CACNA2D2: variants seen among roughly 807,000 people sequenced by gnomAD.
The protein encoded by CACNA2D2 is calcium voltage-gated channel auxiliary subunit alpha2delta 2.
Under a neutral mutation model 166.4 loss-of-function variants are expected in CACNA2D2, and 48 were observed. The ratio of observed to expected loss-of-function variants is 0.29; its 90% CI spans 0.23 to 0.37. The LOEUF is 0.37. CACNA2D2 is among the 10% of genes least tolerant of loss of function. CACNA2D2 has a pLI of 1.00. For synonymous variants in CACNA2D2, 561 were observed against 573.7 expected (o/e 0.98, Z 0.32); for missense variants, 1,122 against 1,433.0 (o/e 0.78, Z 3.50).
chr3:50,442,265 C>T (rs979351257), intron 2 of CACNA2D2, among the ~76,000 whole-genome samples: 2 of 152,172 alleles, frequency 1.3e-5, no homozygotes, highest in African/African-American at 2.4e-5. Flanking sequence ...CCAGTGTCCC[C>T]GCCTGCCTAT....
rs1487148785 is a variant in CACNA2D2 at position 50,481,211 on chromosome 3, G to A, written c.207-5012C>T. On this transcript the variant is annotated intron_variant, in intron 1 of 37. Coordinates refer to ENST00000424201, the MANE Select transcript of CACNA2D2 (RefSeq NM_006030.4). ...TGGACCCAGCAGAGGGGCGAGAAAG[G>A]ATGGGGGAGGGGCTCTGTTCAAGAG... 2.0e-5 allele frequency among the ~76,000 whole-genome samples: 3 copies of A among 152,058 alleles called. No homozygotes were observed. The East Asian group carries it at 5.8e-4, about 29-fold the overall frequency.
chr3:50,395,909 G>A (rs1706126503), intron 3 of CACNA2D2, among the ~76,000 whole-genome samples: 2 of 152,228 alleles, frequency 1.3e-5, no homozygotes, highest in Admixed American at 1.3e-4. Context: ...AGTGTCTCTT[G>A]GGGTCAAACC....
intron 3 of CACNA2D2, among the ~76,000 whole-genome samples, chr3:50,426,679 C>A (rs528884055): frequency 1.3e-5 from 2 of 152,124 alleles, no homozygotes; most frequent in Non-Finnish European, 2.9e-5. Flanking sequence ...ATGATCACAG[C>A]GCTTCTGACC....
intron 6 of CACNA2D2, among the ~76,000 whole-genome samples, chr3:50,382,143 T>A (rs1356363886): frequency 6.6e-6 from 1 of 152,096 alleles, no homozygotes; most frequent in African/African-American, 2.4e-5. Flanking sequence ...TGTGTGTGTG[T>A]GACACATGTT....
chr3:50,406,250 C>T (rs977029774), intron 3 of CACNA2D2, among the ~76,000 whole-genome samples: 2 of 151,842 alleles, frequency 1.3e-5, no homozygotes, highest in Non-Finnish European at 2.9e-5. Flanking sequence ...CCCCACTGGC[C>T]GCAGGCTGGC....
chr3:50,410,191 G>A (rs1706930534), intron 3 of CACNA2D2, among the ~76,000 whole-genome samples: 1 of 152,192 alleles, frequency 6.6e-6, no homozygotes, highest in South Asian at 2.1e-4. Flanking sequence ...GCTTGGCCCT[G>A]CCTAGATCAA....
rs996348872 is a variant in CACNA2D2 at position 50,377,753 on chromosome 3, C to T, written c.1530G>A (p.Gln510=). The change falls in exon 16 of 38, where the codon CAG becomes CAA. Residue 510 remains glutamine, a synonymous_variant. Coordinates refer to ENST00000424201, the MANE Select transcript of CACNA2D2 (RefSeq NM_006030.4). ...TCACCTTCTTTTCCCCAGGGCCATC[C>T]TGTGTCAGGTTGAAAACAGGGAGGG... ...TGTLPVFNLT[Q]DGPGEKKNQL... 6.8e-6 allele frequency: 11 copies of T among 1,613,226 alleles called. No homozygotes were observed. The highest frequency in any genetic ancestry group is 9.3e-6 in the Non-Finnish European group (11 of 1,179,824).
chr3:50,486,977 G>A (rs1413797149), intron 1 of CACNA2D2, among the ~76,000 whole-genome samples: 2 of 152,232 alleles, frequency 1.3e-5, no homozygotes, highest in African/African-American at 4.8e-5. Flanking sequence ...ATGCTGACGC[G>A]GAGGGCCTGC....
intron 2 of CACNA2D2, among the ~76,000 whole-genome samples, chr3:50,438,827 GA>G (rs1708465277): frequency 6.6e-6 from 1 of 152,220 alleles, no homozygotes; most frequent in African/African-American, 2.4e-5. Flanking sequence ...AGGAAAAGGA[GA>G]GAGGAGAGGG....
chr3:50,394,252 C>T (rs749717940), intron 3 of CACNA2D2, 84 bp from the exon 4 acceptor site: 5 of 1,101,996 alleles, frequency 4.5e-6, no homozygotes, highest in Non-Finnish European at 4.2e-6. Flanking sequence ...ATCCCCAGCA[C>T]TCCCTGGGGC....
chr3:50,374,814 C>A lies in CACNA2D2; in HGVS notation c.1908-1G>T. 1 of 1,587,300 alleles carries A rather than the reference C, an allele frequency of 6.3e-7. No individual in the cohort carries two copies. Among genetic ancestry groups the A allele is most frequent in the Non-Finnish European group, 8.6e-7 (1 of 1,167,594 alleles). ...GTAGGGTGGGAGCACCAGCCCCAGG[C>A]TGAGGGGGGAGAAGCTCGGGTCACG... On this transcript the variant is annotated splice_acceptor_variant, in intron 21 of 37. Transcript: ENST00000424201. LOFTEE classifies it high-confidence loss of function.
At position 50,413,629 on chromosome 3, in the gene CACNA2D2, T is replaced by A. The variant is rs112419200; in HGVS notation, c.406-19461A>T. The stretch of plus-strand genomic sequence containing the variant: ...TGGGAGGCTGAGGTGGGTGGATCAC[T>A]TGAGGCCAGGAGTTCGAGACCAGAC... On this transcript the variant is annotated intron_variant, in intron 3 of 37. Coordinates refer to ENST00000424201, the MANE Select transcript of CACNA2D2 (RefSeq NM_006030.4). 4.6e-5 allele frequency among the ~76,000 whole-genome samples: 7 copies of A among 152,142 alleles called. 1 individual carries two copies. Among genetic ancestry groups the A allele is most frequent in the South Asian group, 2.1e-4 (1 of 4,810 alleles).
At chr3:50,499,844 A>T (rs1698883358) in intron 1 of CACNA2D2, among the ~76,000 whole-genome samples, 1 of 152,180 alleles carries the variant, frequency 6.6e-6, no homozygotes, top group African/African-American at 2.4e-5. Flanking sequence ...GACCAAAAGG[A>T]GGTGCCTGAT....
intron 3 of CACNA2D2, among the ~76,000 whole-genome samples, chr3:50,399,036 G>C (rs1030638368): frequency 6.6e-6 from 1 of 152,216 alleles, no homozygotes; most frequent in African/African-American, 2.4e-5. Context: ...GGCCAGGATG[G>C]GCACCCCTCA....
intron 3 of CACNA2D2, chr3:50,415,817 C>T (rs1418809883): frequency 6.6e-6 from 1 of 152,288 alleles, no homozygotes; most frequent in East Asian, 1.9e-4. Flanking sequence ...GCTGCACAGA[C>T]ACTCCAGTGC....
rs9880285 is a variant in CACNA2D2 at position 50,452,634 on chromosome 3, A to G, written c.289-18205T>C. Among the ~76,000 whole-genome samples the G allele has an allele frequency of 9.3e-3, 1,416 of 152,336 alleles. 17 individuals are homozygous for G. The highest frequency in any genetic ancestry group is 0.049 in the East Asian group (254 of 5,188). On this transcript the variant is annotated intron_variant, in intron 2 of 37. Transcript: ENST00000424201. ...TGGGAGCTATCAATGCTTTGGAGAA[A>G]GACAAGGCAAGACTGAGTAAGATTC...
intron 22 of CACNA2D2, among the ~76,000 whole-genome samples, chr3:50,371,106 G>A (rs587731584): frequency 1.3e-4 from 20 of 152,208 alleles, no homozygotes; most frequent in Non-Finnish European, 1.5e-4. Flanking sequence ...CACAGTGTGG[G>A]AAGAAAGTCT....
chr3:50,438,820 AAAAGGAGAGAGGAGAGGGG>A (rs1708464370), intron 2 of CACNA2D2, among the ~76,000 whole-genome samples: 1 of 152,166 alleles, frequency 6.6e-6, no homozygotes, highest in Non-Finnish European at 1.5e-5. Context: ...AGGGGAGAGG[AAAAGGAGAGAGGAGAGGGG>A]AAAGGAGAGT....
In CACNA2D2 at chr3:50,434,482, C is replaced by T. The variant is rs139838558; in HGVS notation, c.289-53G>A. The T allele has an allele frequency of 3.3e-4, 432 of 1,296,942 alleles. 2 individuals are homozygous for T. In the African/African-American group the frequency reaches 5.0e-3, roughly 15 times the overall value. The allele number at this position is 1,296,942 out of a possible 1,614,324, so 80.3% of individuals were successfully genotyped here. ...GACCAGGTGGTCCCACGTCCTCATG[C>T]CATGGGCCCTGCATACCCCTCTGCA... On this transcript the variant is annotated intron_variant, in intron 2 of 37. Transcript: ENST00000424201.
Sources: gnomAD v4.1 joint callset for allele counts (sites outside exome capture counted in the v4.1 genomes callset) on GRCh38, gnomAD v4.1.1 for gene constraint, MANE v1.5 for transcripts, NCBI Gene and HGNC (gene_info 2026-07-23, HGNC 2026-07-21) for gene names.